The following YJU2B variants were observed in gnomAD, a reference collection of about 807,000 sequenced individuals.
YJU2B encodes YJU2 splicing factor homolog B.
In YJU2B, 18 loss-of-function variants were observed where a neutral mutation model predicts 38.0. The ratio of observed to expected loss-of-function variants is 0.47; its 90% CI spans 0.33 to 0.70. The LOEUF is 0.70. Among genes scored for constraint, YJU2B ranks in the 30% least tolerant of loss-of-function variants. The pLI is 0.02. For missense variants in YJU2B, 538 were observed against 556.3 expected (o/e 0.97, Z 0.33); for synonymous variants, 246 against 225.4 (o/e 1.09, Z -0.82).
rs1345899998 is a variant in YJU2B at position 13,740,830 on chromosome 19, C to T, written c.-202+8545C>T. 5.3e-5 allele frequency among the ~76,000 whole-genome samples: 8 copies of T among 151,944 alleles called. No individual in the cohort carries two copies. In the South Asian group the frequency reaches 1.2e-3, roughly 24 times the overall value. On this transcript the variant is annotated intron_variant, in intron 2 of 10. Coordinates refer to the YJU2B transcript ENST00000586600. ...GATTACAGGCGTGAGCCACCGTGCC[C>T]GGCCTTAGACATTTTTATATTTGGT... is the stretch of plus-strand genomic sequence containing the variant.
chr19:13,756,052 T>G (rs417186), intron 3 of YJU2B, 145 bp from the exon 4 acceptor site: 228,920 of 668,526 alleles, frequency 0.34, 40,598 homozygotes, highest in East Asian at 0.46. Flanking sequence ...TGCCCCCTAT[T>G]GCTATGAACA....
At chr19:13,753,142 CCAAT>C (rs1209251798) in intron 2 of YJU2B, among the ~76,000 whole-genome samples, 1 of 152,160 alleles carries the variant, frequency 6.6e-6, no homozygotes, top group Non-Finnish European at 1.5e-5. Context: ...TAGCCCTTCC[CCAAT>C]CAGACACTGA....
chr19:13,762,600 C>T lies in YJU2B; in HGVS notation c.723C>T (p.Asp241=), dbSNP rs765149326. 1 of 1,528,026 alleles carries T rather than the reference C, an allele frequency of 6.5e-7. No individual in the cohort carries two copies. Among genetic ancestry groups the T allele is most frequent in the South Asian group, 1.3e-5 (1 of 79,072 alleles). The allele number at this position is 1,528,026 out of a possible 1,614,324, so 94.7% of individuals were successfully genotyped here. Residue 241 remains aspartate, a synonymous_variant, in exon 10 of 10, where the codon GAC becomes GAT. Coordinates refer to ENST00000221554, the MANE Select transcript of YJU2B (RefSeq NM_030818.4). ...TCTCCTCTCCTCTAGCCTACGAGGA[C>T]AAGCAGAAACTCAAGCGGACCGAGA... ...LKFHTLDSYE[D]KQKLKRTEII...
At chr19:13,762,209 AC>A (rs1444807408) in intron 8 of YJU2B, 89 bp from the exon 9 acceptor site, 3 of 1,436,906 alleles carry the variant, frequency 2.1e-6, no homozygotes, top group Non-Finnish European at 2.8e-6. Context: ...AGTAAATGAG[AC>A]CCCGAGAGTT....
Position 13,756,198 on chromosome 19 carries a change from A to G in YJU2B, c.59A>G (p.His20Arg), listed in dbSNP as rs767951346. The G allele has an allele frequency of 6.2e-7, 1 of 1,613,864 alleles. No individual in the cohort carries two copies. The highest frequency in any genetic ancestry group is 8.5e-7 in the Non-Finnish European group (1 of 1,179,834). Reference sequence around the variant, plus strand: ...CCGCTCCTCATCCTCTCCACACAGCATGGCTCTCTCAACCGATACCACAAC... The same window carrying G: ...CCGCTCCTCATCCTCTCCACACAGCGTGGCTCTCTCAACCGATACCACAAC... ...YYPPDFNPEK[H>R]GSLNRYHNSH... The change falls in exon 4 of 10, where the codon CAT (histidine) becomes CGT (arginine). Residue 20 changes from histidine to arginine, a missense_variant and splice_region_variant. By Grantham distance (29) the His-to-Arg change is conservative. Coordinates refer to ENST00000221554, the MANE Select transcript of YJU2B (RefSeq NM_030818.4).
chr19:13,743,410 T>C (rs939624851), upstream of YJU2B, among the ~76,000 whole-genome samples: 6 of 148,198 alleles, frequency 4.0e-5, no homozygotes, highest in African/African-American at 1.5e-4. Flanking sequence ...CGAAGCCCTG[T>C]CTCTACTAAA....
chr19:13,747,949 G>A lies in YJU2B; in HGVS notation c.-207G>A, dbSNP rs1363769626. 1 of 152,290 alleles carries A rather than the reference G, an allele frequency of 6.6e-6. No homozygotes were observed. The highest frequency in any genetic ancestry group is 1.5e-5 in the Non-Finnish European group (1 of 68,076). 9.4% of individuals were successfully genotyped at this position (152,290 alleles called of 1,614,324 possible). A position where few individuals can be genotyped will look rare whatever the true frequency, so the allele number is the denominator to read the frequency against. On this transcript the variant is annotated 5_prime_UTR_variant, in exon 1 of 10. Transcript: ENST00000221554. ...CGGTCAGGGCGTGACGTCGGGAGGA[G>A]GGCAGGTAAGTGCCGGCGGGCGGAG... is the stretch of plus-strand genomic sequence containing the variant.
chr19:13,751,042 G>A lies in YJU2B; in HGVS notation c.-201-566G>A, dbSNP rs571913102. Among the ~76,000 whole-genome samples the A allele has an allele frequency of 1.0e-3, 156 of 152,224 alleles. 1 individual carries two copies. Among genetic ancestry groups the A allele is most frequent in the Non-Finnish European group, 1.9e-3 (129 of 67,988 alleles). ...GAGGCAGGCAGGGGCCCCACAGGCC[G>A]TGGGAAGGGGTTTGACTTGATTCTA... On this transcript the variant is annotated intron_variant, in intron 1 of 9. Coordinates refer to ENST00000221554, the MANE Select transcript of YJU2B (RefSeq NM_030818.4).
upstream of YJU2B, among the ~76,000 whole-genome samples, chr19:13,746,004 C>A (rs1035340290): frequency 6.6e-6 from 1 of 152,068 alleles, no homozygotes; most frequent in Non-Finnish European, 1.5e-5. Flanking sequence ...GTAATCCCAG[C>A]ACTTTGGGAG....
At chr19:13,740,531 T>TTTTGTTTG (rs888166334) in intron 2 of YJU2B, among the ~76,000 whole-genome samples, 4 of 151,768 alleles carry the variant, frequency 2.6e-5, no homozygotes, top group Non-Finnish European at 5.9e-5. Context: ...TTTTTTGTTT[T>TTTTGTTTG]TTTGTTTGTT....
At chr19:13,734,742 C>A (rs1430717743) in intron 2 of YJU2B, among the ~76,000 whole-genome samples, 1 of 152,120 alleles carries the variant, frequency 6.6e-6, no homozygotes, top group Non-Finnish European at 1.5e-5. Flanking sequence ...GTGTGCTCCA[C>A]CATGCACAGC....
Position 13,762,666 on chromosome 19 carries a change from C to T in YJU2B, c.789C>T (p.Ala263=), listed in dbSNP as rs1973942764. The stretch of plus-strand genomic sequence containing the variant: ...GGTTCCCCTCTGCCCCCGGATCCGC[C>T]TCCAGCAGCAAGGTCAGCGGCGTCC... ...RSWFPSAPGS[A]SSSKVSGVLK... Residue 263 remains alanine (A), a synonymous_variant, in exon 10 of 10, where the codon GCC becomes GCT. Coordinates refer to ENST00000221554, the MANE Select transcript of YJU2B (RefSeq NM_030818.4). 7 of 1,584,964 alleles carry T rather than the reference C, an allele frequency of 4.4e-6. No individual in the cohort carries two copies. The highest frequency in any genetic ancestry group is 6.0e-6 in the Non-Finnish European group (7 of 1,171,500).
intron 2 of YJU2B, among the ~76,000 whole-genome samples, chr19:13,752,947 C>T (rs1369114628): frequency 6.6e-6 from 1 of 152,016 alleles, no homozygotes; most frequent in African/African-American, 2.4e-5. Flanking sequence ...AGCGACTCTT[C>T]AGCCAGGCTC....
At chr19:13,752,689 G>A (rs1599519617) in intron 2 of YJU2B, among the ~76,000 whole-genome samples, 1 of 151,972 alleles carries the variant, frequency 6.6e-6, no homozygotes, top group African/African-American at 2.4e-5. Context: ...GGTTGCAGTG[G>A]GCTGAGAACA....
intron 1 of YJU2B, among the ~76,000 whole-genome samples, chr19:13,751,306 T>A (rs746193189): frequency 7.2e-5 from 11 of 152,026 alleles, no homozygotes; most frequent in Non-Finnish European, 1.6e-4. Flanking sequence ...TCCCAGCTAC[T>A]CGGGAGACTG....
chr19:13,759,612 AAAT>A (rs773160235), intron 8 of YJU2B: 9 of 172,936 alleles, frequency 5.2e-5, no homozygotes, highest in Non-Finnish European at 9.7e-5. Context: ...CTAAATAAAT[AAAT>A]AATAGAAATT....
intron 2 of YJU2B, among the ~76,000 whole-genome samples, chr19:13,753,254 T>C (rs530349830): frequency 6.6e-6 from 1 of 152,274 alleles, no homozygotes; most frequent in South Asian, 2.1e-4. Flanking sequence ...GCCTGTGTAT[T>C]AGTCCAGTCT....
chr19:13,757,752 A>G (rs925797648), intron 5 of YJU2B, 34 bp from the exon 6 acceptor site: 23 of 1,610,708 alleles, frequency 1.4e-5, no homozygotes, highest in African/African-American at 8.0e-5. Context: ...TCAGATGGCA[A>G]TGAAATTACC....
At chr19:13,738,060 G>A (rs2145084062) in intron 2 of YJU2B, among the ~76,000 whole-genome samples, 1 of 152,248 alleles carries the variant, frequency 6.6e-6, no homozygotes, top group South Asian at 2.1e-4. Context: ...GACCAAGCTG[G>A]ACACAGTGAT....
Sources: allele counts gnomAD v4.1 joint callset (sites outside exome capture counted in the v4.1 genomes callset), GRCh38; gene constraint gnomAD v4.1.1; transcripts MANE v1.5; gene names NCBI Gene and HGNC (gene_info 2026-07-23, HGNC 2026-07-21).